Variants in SLC61A1 observed in about 807,000 individuals in gnomAD.
The protein encoded by SLC61A1 is major facilitator superfamily domain containing 5.
the SLC61A1 span, chr12:53,252,163 G>T: frequency 7.0e-7 from 1 of 1,433,384 alleles, no homozygotes; most frequent in Non-Finnish European, 9.1e-7. Context: ...GTGAGGGGCG[G>T]GAGCGCTGCT....
the SLC61A1 span, chr12:53,254,075 G>T: frequency 6.2e-7 from 1 of 1,614,192 alleles, no homozygotes; most frequent in Non-Finnish European, 8.5e-7. Context: ...CATTTGCTCT[G>T]CTGTCATGGT....
At chr12:53,252,347 G>A in the SLC61A1 span, 2 of 1,346,158 alleles carry the variant, frequency 1.5e-6, no homozygotes, top group East Asian at 3.1e-5. Context: ...GGGTGCCAGT[G>A]ACCTGGAGGA....
chr12:53,252,292 G>A, the SLC61A1 span: 4 of 1,392,646 alleles, frequency 2.9e-6, no homozygotes, highest in Non-Finnish European at 3.7e-6. Context: ...TGGGCGAGGT[G>A]CAAGTGGATG....
the SLC61A1 span, chr12:53,253,245 G>T: frequency 6.2e-7 from 1 of 1,614,224 alleles, no homozygotes; most frequent in Middle Eastern, 1.6e-4. Context: ...CGAGCACTTG[G>T]TGGGCTGTCC....
the SLC61A1 span, chr12:53,252,323 T>G: frequency 7.3e-7 from 1 of 1,364,374 alleles, no homozygotes; most frequent in Non-Finnish European, 9.4e-7. Flanking sequence ...GGGCAGGGGC[T>G]AGGGGGCGCA....
chr12:53,254,147 G>C, the SLC61A1 span: 2 of 1,614,138 alleles, frequency 1.2e-6, no homozygotes, highest in Non-Finnish European at 1.7e-6. Flanking sequence ...TGAGCTGCGG[G>C]TACCTTCACC....
the SLC61A1 span, chr12:53,253,400 G>C: frequency 6.2e-7 from 1 of 1,613,914 alleles, no homozygotes; most frequent in Non-Finnish European, 8.5e-7. Flanking sequence ...AGGTGTGGCA[G>C]CTGAGGCTGT....
chr12:53,253,465 C>T, the SLC61A1 span: 2 of 1,614,100 alleles, frequency 1.2e-6, no homozygotes, highest in South Asian at 1.1e-5. Context: ...CCATCCCTCT[C>T]CTGGCTCTGG....
the SLC61A1 span, chr12:53,252,858 C>T: frequency 1.2e-6 from 2 of 1,613,912 alleles, no homozygotes; most frequent in African/African-American, 1.3e-5. Flanking sequence ...GCCTACCTTG[C>T]TTTTGTAGGC....
the SLC61A1 span, chr12:53,252,165 A>G: frequency 7.0e-7 from 1 of 1,432,184 alleles, no homozygotes; most frequent in Non-Finnish European, 9.1e-7. Context: ...GAGGGGCGGG[A>G]GCGCTGCTGG....
At chr12:53,252,034 G>A in the SLC61A1 span, 3 of 1,516,500 alleles carry the variant, frequency 2.0e-6, no homozygotes, top group Non-Finnish European at 1.8e-6. Flanking sequence ...TTCCGCGCCC[G>A]GGTAAGGGAA....
At chr12:53,253,918 G>A in the SLC61A1 span, 1 of 1,614,188 alleles carries the variant, frequency 6.2e-7, no homozygotes, top group Non-Finnish European at 8.5e-7. Context: ...TTCCCAGCAT[G>A]AGCTTCCTAC....
chr12:53,252,501 A>G, the SLC61A1 span: 1 of 1,340,156 alleles, frequency 7.5e-7, no homozygotes, highest in Non-Finnish European at 9.6e-7. Flanking sequence ...AAGGAAGTGT[A>G]CGGGAGCTGC....
the SLC61A1 span, chr12:53,253,917 T>C: frequency 1.2e-6 from 2 of 1,613,852 alleles, no homozygotes; most frequent in South Asian, 2.2e-5. Flanking sequence ...TTTCCCAGCA[T>C]GAGCTTCCTA....
At chr12:53,253,118 G>A in the SLC61A1 span, 4 of 1,614,240 alleles carry the variant, frequency 2.5e-6, no homozygotes, top group East Asian at 6.7e-5. Flanking sequence ...TGGCCTAGTG[G>A]CCTCCTCCCT....
At chr12:53,252,062 G>A in the SLC61A1 span, 3 of 1,081,940 alleles carry the variant, frequency 2.8e-6, no homozygotes, top group East Asian at 7.6e-5. Context: ...GGGCGGGCGG[G>A]GCGGGGCGGG....
At chr12:53,251,754 G>A in the SLC61A1 span, 5 of 1,536,888 alleles carry the variant, frequency 3.3e-6, no homozygotes, top group Non-Finnish European at 4.4e-6. Flanking sequence ...TGCAGTGGGA[G>A]AGGAGGCAAA....
chr12:53,252,446 A>G, the SLC61A1 span: 6 of 1,286,004 alleles, frequency 4.7e-6, no homozygotes, highest in Non-Finnish European at 5.9e-6. Context: ...AGGATGAGAC[A>G]CTGAGGGCAA....
At chr12:53,253,001 G>T in the SLC61A1 span, 1 of 1,614,210 alleles carries the variant, frequency 6.2e-7, no homozygotes, top group Non-Finnish European at 8.5e-7. Context: ...CCTGGCAGCT[G>T]ATTGGCTTCA....
Sources: allele counts gnomAD v4.1 joint callset, GRCh38; gene constraint gnomAD v4.1.1; transcripts MANE v1.5; gene names NCBI Gene and HGNC (gene_info 2026-07-23, HGNC 2026-07-21).